The following PARD3B variants were observed in gnomAD, a reference collection of about 807,000 sequenced individuals.
PARD3B encodes partitioning defective 3 homolog B.
PARD3B carries 103 observed loss-of-function variants against 130.2 expected under a neutral mutation model. That is an observed-to-expected ratio of 0.79 (90% CI 0.67 to 0.93). The LOEUF is 0.93. Ranked by LOEUF, PARD3B falls within the 40% of genes least tolerant of loss-of-function variation. The pLI is 0.00. For synonymous variants in PARD3B, 583 were observed against 553.2 expected, an observed-to-expected ratio of 1.05 and a Z score of -0.76; for missense variants, 1,609 against 1,499.2, an observed-to-expected ratio of 1.07 and a Z score of -1.21.
intron 15 of PARD3B, among the ~76,000 whole-genome samples, chr2:205,210,317 A>G (rs1231782177): frequency 1.3e-5 from 2 of 151,926 alleles, no homozygotes; most frequent in African/African-American, 4.8e-5. Context: ...TTATATTCTA[A>G]TTTTTCTCAA....
At chr2:204,953,420 CAGAGAGAGAGAGAGAGAGAG>C (rs138644226) in intron 2 of PARD3B, among the ~76,000 whole-genome samples, 20 of 123,318 alleles carry the variant, frequency 1.6e-4, no homozygotes, top group South Asian at 5.5e-4. Flanking sequence ...TACACACACA[CAGAGAGAGAGAGAGAGAGAG>C]AGAGAGAGAG....
In PARD3B at chr2:205,121,624, T is replaced by G. The variant is rs768097618; in HGVS notation, c.840T>G (p.Ser280=). 3.7e-5 allele frequency: 60 copies of G among 1,613,864 alleles called. No individual in the cohort carries two copies. Among genetic ancestry groups the G allele is most frequent in the Non-Finnish European group, 4.8e-5 (57 of 1,179,892 alleles). ...ATGTCTTCCGCCAGGCAATGAAATCTCCAAGTGTGCTCCTCCACGTGCTTC... is the reference window on the plus strand; with the variant it reads ...ATGTCTTCCGCCAGGCAATGAAATCGCCAAGTGTGCTCCTCCACGTGCTTC... ...AQDVFRQAMK[S]PSVLLHVLPP... The change falls in exon 8 of 23, where the codon TCT becomes TCG. Residue 280 remains serine, a synonymous_variant. Coordinates refer to ENST00000406610, the MANE Select transcript of PARD3B (RefSeq NM_001302769.2). This position sits in a 1 kb window ranked among gnomAD's most constrained non-coding sequence, Gnocchi z 5.0.
intron 1 of PARD3B, among the ~76,000 whole-genome samples, chr2:204,563,976 G>T (rs769175039): frequency 6.6e-6 from 1 of 152,058 alleles, no homozygotes; most frequent in African/African-American, 2.4e-5. Context: ...GGGTTTAACC[G>T]TGTTAGCCAG....
intron 21 of PARD3B, among the ~76,000 whole-genome samples, chr2:205,551,322 A>T (rs2052636107): frequency 6.6e-6 from 1 of 151,608 alleles, no homozygotes; most frequent in African/African-American, 2.4e-5. Flanking sequence ...GGGTGAGGAC[A>T]ATGTTTCTGT....
In PARD3B at chr2:205,303,172, C is replaced by T. The variant is rs541926901; in HGVS notation, c.2630+1471C>T. On this transcript the variant is annotated intron_variant, in intron 18 of 22. Coordinates refer to ENST00000406610, the MANE Select transcript of PARD3B (RefSeq NM_001302769.2). ...TTCCTTTCTGCCTGTTGGACCTGAA[C>T]CACAAGGAGCATCCTATGGTATGGT... is the stretch of plus-strand genomic sequence containing the variant. 3.3e-5 allele frequency among the ~76,000 whole-genome samples: 5 copies of T among 152,248 alleles called. No individual in the cohort carries two copies. In the South Asian group the frequency reaches 1.0e-3, roughly 32 times the overall value.
chr2:205,145,085 C>T (rs1160535205), intron 10 of PARD3B, among the ~76,000 whole-genome samples: 2 of 152,080 alleles, frequency 1.3e-5, no homozygotes, highest in African/African-American at 2.4e-5. Flanking sequence ...TAATCCCTGC[C>T]TTTAAAATCC....
At chr2:204,813,857 T>G (rs998613982) in intron 2 of PARD3B, among the ~76,000 whole-genome samples, 1 of 152,140 alleles carries the variant, frequency 6.6e-6, no homozygotes, top group Non-Finnish European at 1.5e-5. Flanking sequence ...ATGACTATCT[T>G]GATTACTATC....
chr2:205,231,296 AT>A (rs1378255189), intron 15 of PARD3B, among the ~76,000 whole-genome samples: 1 of 151,828 alleles, frequency 6.6e-6, no homozygotes, highest in African/African-American at 2.4e-5. Flanking sequence ...AGTTATAAGA[AT>A]AAAGATGTTT....
At chr2:205,359,979 C>T (rs66583439) in intron 18 of PARD3B, among the ~76,000 whole-genome samples, 85,413 of 152,006 alleles carry the variant, frequency 0.56, 27,570 homozygotes, top group South Asian at 0.75. Flanking sequence ...TAATCTTTCC[C>T]GCTTGCATTT....
intron 4 of PARD3B, among the ~76,000 whole-genome samples, chr2:205,084,076 T>A (rs2125520478): frequency 6.6e-6 from 1 of 152,254 alleles, no homozygotes; most frequent in Admixed American, 6.5e-5. Context: ...TCGTCCATAT[T>A]AAAACTTATT....
rs1467776956 is a variant in PARD3B, at chr2:204,960,353, A to G, written c.223-4799A>G. Among the ~76,000 whole-genome samples, 3 of 152,250 alleles carry G rather than the reference A, an allele frequency of 2.0e-5. No individual in the cohort carries two copies. The East Asian group carries it at 5.8e-4, about 29-fold the overall frequency. On this transcript the variant is annotated intron_variant, in intron 2 of 22. Coordinates refer to ENST00000406610, the MANE Select transcript of PARD3B (RefSeq NM_001302769.2). ...CAAATGGGCTGACTCCCCGTTTTGAAAGTGAGCCTGAAAAGGAAAGAGAAG... is the reference window on the plus strand; with the variant it reads ...CAAATGGGCTGACTCCCCGTTTTGAGAGTGAGCCTGAAAAGGAAAGAGAAG...
Position 204,678,064 on chromosome 2 carries a change from A to G in PARD3B, c.121-8117A>G, listed in dbSNP as rs1457435344. 6.6e-6 allele frequency among the ~76,000 whole-genome samples: 1 copy of G among 152,228 alleles called. No homozygotes were observed. Among genetic ancestry groups the G allele is most frequent in the African/African-American group, 2.4e-5 (1 of 41,454 alleles). On this transcript the variant is annotated intron_variant, in intron 1 of 22. Transcript: ENST00000406610. This position sits in a 1 kb window ranked among gnomAD's most constrained non-coding sequence, Gnocchi z 4.2. The stretch of plus-strand genomic sequence containing the variant: ...TTGGAAGTATATCACACGTGCAGAA[A>G]AGTACACAAGTTAAGTATAGCTGGT...
At chr2:204,581,663 G>A (rs2032565325) in intron 1 of PARD3B, among the ~76,000 whole-genome samples, 1 of 152,018 alleles carries the variant, frequency 6.6e-6, no homozygotes, top group African/African-American at 2.4e-5. Context: ...ACCATACCAG[G>A]GCTTGATATC....
Position 205,124,383 on chromosome 2 carries a change from G to A in PARD3B, c.1222G>A (p.Gly408Ser), listed in dbSNP as rs201211082. The change falls in exon 9 of 23, where the codon GGT becomes AGT. Residue 408 changes from glycine to serine, a missense_variant. Physicochemically the swap from Gly to Ser is moderately conservative, Grantham distance 56. Coordinates refer to ENST00000406610, the MANE Select transcript of PARD3B (RefSeq NM_001302769.2). ...VTRDSSIHGPGPIFVKNILPK... is the reference protein window; with the variant it reads ...VTRDSSIHGPSPIFVKNILPK... ...CAGAGACTCTTCCATACATGGTCCC[G>A]GTCCCATTTTTGTAAAAAACATTTT... 1.2e-4 allele frequency: 192 copies of A among 1,600,030 alleles called. No homozygotes were observed. The highest frequency in any genetic ancestry group is 1.1e-3 in the African/African-American group (80 of 74,332).
chr2:204,593,148 A>G (rs1221708974), intron 1 of PARD3B, among the ~76,000 whole-genome samples: 1 of 100,532 alleles, frequency 9.9e-6, no homozygotes, highest in Non-Finnish European at 2.6e-5. Context: ...GTTAACATCT[A>G]TGTACGTTTC....
chr2:205,053,263 A>T (rs547386078), intron 4 of PARD3B, among the ~76,000 whole-genome samples: 2 of 152,186 alleles, frequency 1.3e-5, no homozygotes, highest in South Asian at 4.2e-4. Context: ...GAGAAATTCA[A>T]ATAGCTTGAT....
chr2:205,124,608 G>C, intron 9 of PARD3B, 142 bp downstream of exon 9: 1 of 605,144 alleles, frequency 1.7e-6, no homozygotes, highest in Non-Finnish European at 2.2e-6. Flanking sequence ...TTATAGACAA[G>C]ATAAGAACTT....
rs1472344836 is a variant in PARD3B, at chr2:205,325,163, T to C, written c.2630+23462T>C. Among the ~76,000 whole-genome samples the C allele has an allele frequency of 1.3e-5, 2 of 152,184 alleles. No individual in the cohort carries two copies. The highest frequency in any genetic ancestry group is 4.8e-5 in the African/African-American group (2 of 41,452). On this transcript the variant is annotated intron_variant, in intron 18 of 22. Coordinates refer to ENST00000406610, the MANE Select transcript of PARD3B (RefSeq NM_001302769.2). The surrounding 1 kb of genome is among the most constrained non-coding windows in gnomAD (Gnocchi z 4.1). ...TACTACAGTACTGCCCATCTGATCTTCACAAACATATATTTGATCTTCTAC... is the reference window on the plus strand; with the variant it reads ...TACTACAGTACTGCCCATCTGATCTCCACAAACATATATTTGATCTTCTAC...
At position 205,568,220 on chromosome 2, in the gene PARD3B, G is replaced by A. The variant is rs78013379; in HGVS notation, c.3260+14817G>A. 0.035 allele frequency among the ~76,000 whole-genome samples: 5,323 copies of A among 152,268 alleles called. 296 individuals are homozygous for A. The highest frequency in any genetic ancestry group is 0.12 in the African/African-American group (5,007 of 41,518). On this transcript the variant is annotated intron_variant, in intron 22 of 22. Transcript: ENST00000406610. The surrounding 1 kb of genome is among the most constrained non-coding windows in gnomAD (Gnocchi z 5.3). Reference sequence around the variant, plus strand: ...AGCAGATCAGTTGTGGTTGCCTTTCGTGAGAGAAAACATATGAGATTAGTA... The same window carrying A: ...AGCAGATCAGTTGTGGTTGCCTTTCATGAGAGAAAACATATGAGATTAGTA...
Sources: allele counts gnomAD v4.1 joint callset (sites outside exome capture counted in the v4.1 genomes callset), GRCh38; gene constraint gnomAD v4.1.1; non-coding constraint Gnocchi (gnomAD v3.1); transcripts MANE v1.5; gene names NCBI Gene and HGNC (gene_info 2026-07-23, HGNC 2026-07-21).